PCBP3: variants seen among roughly 807,000 people sequenced by gnomAD.
The protein encoded by PCBP3 is poly(rC)-binding protein 3.
Under a neutral mutation model 52.7 loss-of-function variants are expected in PCBP3, and 25 were observed. The ratio of observed to expected loss-of-function variants is 0.47; its 90% CI spans 0.35 to 0.66. The LOEUF is 0.66. PCBP3 is among the 30% of genes least tolerant of loss of function. The pLI is 0.01. For synonymous variants in PCBP3, 162 were observed against 183.0 expected (o/e 0.89, Z 0.93); for missense variants, 391 against 490.3 (o/e 0.80, Z 1.91).
rs903214732 is a variant in PCBP3, at chr21:45,837,484, G to T, written c.-125-12477G>T. The stretch of plus-strand genomic sequence containing the variant: ...CACGGCGCCCTAGCTTCAGGTTATA[G>T]GGCATGGCTACGTGCCTGTGGAAAT... On this transcript the variant is annotated intron_variant, in intron 4 of 17. Transcript: ENST00000681687. This position sits in a 1 kb window ranked among gnomAD's most constrained non-coding sequence, Gnocchi z 4.1. 6.6e-6 allele frequency among the ~76,000 whole-genome samples: 1 copy of T among 152,208 alleles called. No individual in the cohort carries two copies. Among genetic ancestry groups the T allele is most frequent in the Non-Finnish European group, 1.5e-5 (1 of 68,038 alleles).
chr21:45,715,227 G>T (rs1489307157), intron 2 of PCBP3, among the ~76,000 whole-genome samples: 5 of 152,148 alleles, frequency 3.3e-5, no homozygotes, highest in Non-Finnish European at 4.4e-5. Context: ...ATACAGAGGG[G>T]TATCAGTGGA....
Position 45,849,953 on chromosome 21 carries a change from T to A in PCBP3, c.-125-8T>A, listed in dbSNP as rs1175246617. On this transcript the variant is annotated splice_polypyrimidine_tract_variant and splice_region_variant and intron_variant, in intron 4 of 17. Transcript: ENST00000681687. ...GCGCTCACACAGCCCTGTGTTTTTG[T>A]GTTTTAGGTCGGTAGGCTCCACGAC... 4.9e-6 allele frequency: 4 copies of A among 815,474 alleles called. No homozygotes were observed. Among genetic ancestry groups the A allele is most frequent in the Middle Eastern group, 2.2e-4 (1 of 4,538 alleles). 50.5% of individuals were successfully genotyped at this position (815,474 alleles called of 1,614,324 possible). A position where few individuals can be genotyped will look rare whatever the true frequency, so the allele number is the denominator to read the frequency against.
chr21:45,820,641 T>C (rs1180007134), intron 4 of PCBP3, among the ~76,000 whole-genome samples: 1 of 152,146 alleles, frequency 6.6e-6, no homozygotes, highest in African/African-American at 2.4e-5. Flanking sequence ...CAGCGGGGCC[T>C]GCAGACCCCT....
intron 4 of PCBP3, among the ~76,000 whole-genome samples, chr21:45,823,623 C>G (rs1309657907): frequency 6.6e-6 from 1 of 152,050 alleles, no homozygotes; most frequent in African/African-American, 2.4e-5. Flanking sequence ...GGGTGGCCGA[C>G]GGGTTCCTGC....
At chr21:45,772,146 T>A (rs2089920349) in intron 4 of PCBP3, among the ~76,000 whole-genome samples, 1 of 152,200 alleles carries the variant, frequency 6.6e-6, no homozygotes, top group African/African-American at 2.4e-5. Flanking sequence ...CTGATATTAT[T>A]GGGTTTATTC....
In PCBP3 at chr21:45,850,083, C is replaced by T. The variant is rs1012582561; in HGVS notation, c.-3C>T. The stretch of plus-strand genomic sequence containing the variant: ...GATCTGCTCTAAACCTTATAGCCTG[C>T]TTATGGGGGAAGGTGAGTTACTGTC... On this transcript the variant is annotated 5_prime_UTR_variant, in exon 5 of 18. Coordinates refer to ENST00000681687, the MANE Select transcript of PCBP3 (RefSeq NM_001384156.1). The T allele has an allele frequency of 2.5e-5, 38 of 1,550,452 alleles. No homozygotes were observed. The highest frequency in any genetic ancestry group is 5.9e-5 in the Admixed American group (3 of 50,982).
At chr21:45,718,570 C>G (rs926250817) in intron 2 of PCBP3, among the ~76,000 whole-genome samples, 1 of 151,802 alleles carries the variant, frequency 6.6e-6, no homozygotes, top group Non-Finnish European at 1.5e-5. Flanking sequence ...GGATGCAGCT[C>G]GGGGGAAGGG....
chr21:45,708,218 A>T (rs887475777), intron 2 of PCBP3, among the ~76,000 whole-genome samples: 15 of 152,060 alleles, frequency 9.9e-5, no homozygotes, highest in African/African-American at 3.6e-4. Context: ...TGGGGGAGGG[A>T]TAGGTTGCAG....
rs541090770 is a variant in PCBP3 at position 45,862,738 on chromosome 21, G to T, written c.10+12643G>T. Among the ~76,000 whole-genome samples the T allele has an allele frequency of 2.8e-4, 42 of 152,330 alleles. No homozygotes were observed. In the South Asian group the frequency reaches 8.7e-3, roughly 32 times the overall value. Reference sequence around the variant, plus strand: ...ATTGTGTGGGCCCCAGCAGGAGCCAGCTCAGCCTGTCCCCGACGAAACCGG... The same window carrying T: ...ATTGTGTGGGCCCCAGCAGGAGCCATCTCAGCCTGTCCCCGACGAAACCGG... On this transcript the variant is annotated intron_variant, in intron 5 of 17. Coordinates refer to ENST00000681687, the MANE Select transcript of PCBP3 (RefSeq NM_001384156.1).
intron 4 of PCBP3, among the ~76,000 whole-genome samples, chr21:45,804,181 A>C (rs1011590264): frequency 6.6e-5 from 10 of 151,928 alleles, no homozygotes; most frequent in Non-Finnish European, 1.3e-4. Flanking sequence ...TTCGCTTGGC[A>C]CCTACACGTT....
chr21:45,658,631 T>C (rs1229134520), intron 1 of PCBP3, among the ~76,000 whole-genome samples: 1 of 152,188 alleles, frequency 6.6e-6, no homozygotes, highest in East Asian at 1.9e-4. Context: ...GTTTGTATTC[T>C]TAAGACATGT....
At chr21:45,658,871 G>GT (rs1037684552) in intron 1 of PCBP3, among the ~76,000 whole-genome samples, 1 of 151,770 alleles carries the variant, frequency 6.6e-6, no homozygotes, top group African/African-American at 2.4e-5. Context: ...CAGATGTACT[G>GT]TTTTTTAAGT....
rs2091286214 is a variant in PCBP3, at chr21:45,788,130, T to A, written c.-126+32678T>A. The stretch of plus-strand genomic sequence containing the variant: ...TGACCTGTAGAATCGTGTCTGACCA[T>A]TTCTGGAGGATGCAGTACTGAATTC... On this transcript the variant is annotated intron_variant, in intron 4 of 17. Coordinates refer to ENST00000681687, the MANE Select transcript of PCBP3 (RefSeq NM_001384156.1). This position sits in a 1 kb window ranked among gnomAD's most constrained non-coding sequence, Gnocchi z 4.3. 6.6e-6 allele frequency among the ~76,000 whole-genome samples: 1 copy of A among 152,134 alleles called. No individual in the cohort carries two copies. Among genetic ancestry groups the A allele is most frequent in the Non-Finnish European group, 1.5e-5 (1 of 68,014 alleles).
Position 45,900,915 on chromosome 21 carries a change from A to T in PCBP3, c.223-82A>T, listed in dbSNP as rs929228608. ...CGGACAGAGGCATGTGTTTGTGTCA[A>T]TTGTCAACGGACTTGCGGCCCCCGA... On this transcript the variant is annotated intron_variant, in intron 8 of 17. Transcript: ENST00000681687. 3.3e-6 allele frequency: 3 copies of T among 917,100 alleles called. No homozygotes were observed. In the African/African-American group the frequency reaches 4.9e-5, roughly 15 times the overall value. 56.8% of individuals were successfully genotyped at this position (917,100 alleles called of 1,614,324 possible).
rs998647742 is a variant in PCBP3, at chr21:45,891,572, G to A, written c.11-4636G>A. Among the ~76,000 whole-genome samples, 5 of 152,186 alleles carry A rather than the reference G, an allele frequency of 3.3e-5. No homozygotes were observed. In the South Asian group the frequency reaches 6.2e-4, roughly 19 times the overall value. ...GCAAGTGGGCACCTGTCGGCGGGCA[G>A]TGGCGGGTGGAGTGGGAGCACGGAC... On this transcript the variant is annotated intron_variant, in intron 5 of 17. Transcript: ENST00000681687.
At chr21:45,678,597 A>G (rs1388680446) in intron 2 of PCBP3, among the ~76,000 whole-genome samples, 1 of 151,854 alleles carries the variant, frequency 6.6e-6, no homozygotes, top group Non-Finnish European at 1.5e-5. Context: ...GAGAACTAGA[A>G]TTAGAAGTGG....
chr21:45,781,283 T>G (rs1194358832), intron 4 of PCBP3, among the ~76,000 whole-genome samples: 1 of 152,172 alleles, frequency 6.6e-6, no homozygotes, highest in East Asian at 1.9e-4. Context: ...ACATATCTAA[T>G]GTATCTAACA....
rs1016498214 is a variant in PCBP3 at position 45,821,582 on chromosome 21, A to G, written c.-125-28379A>G. Among the ~76,000 whole-genome samples, 9 of 138,388 alleles carry G rather than the reference A, an allele frequency of 6.5e-5. No homozygotes were observed. The East Asian group carries it at 1.3e-3, about 20-fold the overall frequency. 90.8% of individuals were successfully genotyped at this position (138,388 alleles called of 152,430 possible). A position where few individuals can be genotyped will look rare whatever the true frequency, so the allele number is the denominator to read the frequency against. On this transcript the variant is annotated intron_variant, in intron 4 of 17. Transcript: ENST00000681687. This position sits in a 1 kb window ranked among gnomAD's most constrained non-coding sequence, Gnocchi z 4.4. ...TGGGCCCCGCCCCCTCCCCTAACTC[A>G]TTTCTAGAACTCTCTTCCTCACCTG...
At chr21:45,672,529 G>C (rs553493242) in intron 2 of PCBP3, among the ~76,000 whole-genome samples, 1 of 152,006 alleles carries the variant, frequency 6.6e-6, no homozygotes, top group Non-Finnish European at 1.5e-5. Context: ...AGTAGCTTCT[G>C]ATCTATTTGC....
Sources: gnomAD v4.1 joint callset for allele counts (sites outside exome capture counted in the v4.1 genomes callset) on GRCh38, gnomAD v4.1.1 for gene constraint, Gnocchi (gnomAD v3.1) non-coding constraint, MANE v1.5 for transcripts, NCBI Gene and HGNC (gene_info 2026-07-23, HGNC 2026-07-21) for gene names.